Variants in DMC1 observed in about 807,000 individuals in gnomAD.
DMC1 encodes the protein DNA meiotic recombinase 1.
Under a neutral mutation model 50.1 loss-of-function variants are expected in DMC1, and 27 were observed. The observed-to-expected ratio is 0.54, with a 90% CI of 0.40 to 0.74. DMC1 has a LOEUF of 0.74. DMC1 is among the 30% of genes least tolerant of loss of function. The pLI is 0.00. For missense variants in DMC1, 295 were observed against 420.2 expected (o/e 0.70, Z 2.60); for synonymous variants, 148 against 136.1 (o/e 1.09, Z -0.61).
At chr22:38,512,277 C>G in the DMC1 span, among the ~76,000 whole-genome samples, 2 of 151,962 alleles carry the variant, frequency 1.3e-5, no homozygotes, top group African/African-American at 4.8e-5. Flanking sequence ...ACCCAGACTG[C>G]CTTTTATCTT....
chr22:38,536,389 G>T (rs2090213318), intron 12 of DMC1, among the ~76,000 whole-genome samples: 1 of 152,058 alleles, frequency 6.6e-6, no homozygotes, highest in Non-Finnish European at 1.5e-5. Context: ...TGTTACGGTG[G>T]CAACAAACCT....
At chr22:38,538,160 A>C (rs964327472) in intron 11 of DMC1, 135 bp downstream of exon 11, 32 of 745,838 alleles carry the variant, frequency 4.3e-5, no homozygotes, top group African/African-American at 1.4e-4. Context: ...CAAAAAAAAA[A>C]CAAAGAGTTG....
intron 12 of DMC1, among the ~76,000 whole-genome samples, chr22:38,524,348 A>C (rs2090063364): frequency 6.6e-6 from 1 of 152,184 alleles, no homozygotes; most frequent in Non-Finnish European, 1.5e-5. Context: ...CAGGAGGCAG[A>C]GGTTGCAGTG....
chr22:38,516,646 A>G (rs558733672), downstream of DMC1, among the ~76,000 whole-genome samples: 22 of 152,220 alleles, frequency 1.4e-4, no homozygotes, highest in East Asian at 4.3e-3. Context: ...AAAGTTTATT[A>G]TACTCAGGTC....
chr22:38,515,572 G>A (rs2089971531), downstream of DMC1, among the ~76,000 whole-genome samples: 1 of 152,042 alleles, frequency 6.6e-6, no homozygotes, highest in Admixed American at 6.6e-5. Flanking sequence ...GCTGAGGTGG[G>A]TGGATCACCT....
intron 8 of DMC1, among the ~76,000 whole-genome samples, chr22:38,543,373 G>A (rs896635254): frequency 8.6e-5 from 13 of 152,040 alleles, no homozygotes; most frequent in Non-Finnish European, 1.5e-4. Flanking sequence ...GCGACTACAG[G>A]TGCCCGCCAC....
chr22:38,564,510 A>G (rs1382704547), intron 4 of DMC1, among the ~76,000 whole-genome samples: 1 of 151,914 alleles, frequency 6.6e-6, no homozygotes, highest in Non-Finnish European at 1.5e-5. Context: ...GGGTTTCACT[A>G]TGTTGGCCAC....
rs757107730 is a variant in DMC1, at chr22:38,521,590, A to ACACCACACACAC, written c.953+17_953+18insGTGTGTGTGGTG. 9.1e-6 allele frequency: 13 copies of ACACCACACACAC among 1,426,364 alleles called. No homozygotes were observed. The highest frequency in any genetic ancestry group is 1.2e-5 in the Non-Finnish European group (12 of 1,025,908). 88.4% of individuals were successfully genotyped at this position (1,426,364 alleles called of 1,614,324 possible). A position where few individuals can be genotyped will look rare whatever the true frequency, so the allele number is the denominator to read the frequency against. ...ACACACACACACACACACACACACAAAATAAAAAAAAATTTACCTGTCATA... is the reference window on the plus strand; with the variant it reads ...ACACACACACACACACACACACACAACACCACACACACAATAAAAAAAAATTTACCTGTCATA... On this transcript the variant is annotated intron_variant, in intron 13 of 13. Coordinates refer to ENST00000216024, the MANE Select transcript of DMC1 (RefSeq NM_007068.4).
In DMC1 at chr22:38,539,315, T is replaced by A; in HGVS notation, c.586+6A>T. The A allele has an allele frequency of 6.2e-7, 1 of 1,609,514 alleles. No individual in the cohort carries two copies. Among genetic ancestry groups the A allele is most frequent in the Non-Finnish European group, 8.5e-7 (1 of 1,175,828 alleles). On this transcript the variant is annotated splice_donor_region_variant and intron_variant, in intron 9 of 13. Transcript: ENST00000216024. ...ACCCAAGCATCCAACTGCATGGGGC[T>A]CTTACTAGTATATGCACGTGCATAA...
chr22:38,540,978 T>G (rs1199946860), intron 8 of DMC1, among the ~76,000 whole-genome samples: 2 of 151,946 alleles, frequency 1.3e-5, no homozygotes, highest in Non-Finnish European at 2.9e-5. Flanking sequence ...CCACCAAGAG[T>G]TTTGCCCAGG....
chr22:38,558,481 G>A (rs957189996), intron 5 of DMC1, among the ~76,000 whole-genome samples: 5 of 151,932 alleles, frequency 3.3e-5, no homozygotes, highest in Admixed American at 6.6e-5. Flanking sequence ...TTGGGAGGCC[G>A]AGGCAAGTGG....
chr22:38,553,730 G>A (rs1040930848), intron 6 of DMC1, among the ~76,000 whole-genome samples: 13 of 151,576 alleles, frequency 8.6e-5, no homozygotes, highest in East Asian at 5.8e-4. Flanking sequence ...AGGCCGAGGC[G>A]GGCAGGCTGC....
Position 38,519,784 on chromosome 22 carries a change from A to G in DMC1, c.*236T>C. 1 of 474,526 alleles carries G rather than the reference A, an allele frequency of 2.1e-6. No individual in the cohort carries two copies. Among genetic ancestry groups the G allele is most frequent in the African/African-American group, 2.0e-5 (1 of 50,552 alleles). The allele number at this position is 474,526 out of a possible 1,614,324, so 29.4% of individuals were successfully genotyped here. ...TCTACTATATATGTCAGGTATACAC[A>G]CACAAACACACACACACACAAACAT... On this transcript the variant is annotated 3_prime_UTR_variant, in exon 14 of 14. Coordinates refer to ENST00000216024, the MANE Select transcript of DMC1 (RefSeq NM_007068.4).
intron 12 of DMC1, among the ~76,000 whole-genome samples, chr22:38,523,249 A>C (rs2090049520): frequency 6.6e-6 from 1 of 152,210 alleles, no homozygotes; most frequent in Non-Finnish European, 1.5e-5. Context: ...CAGGCACCTG[A>C]CATGGTAGTA....
intron 8 of DMC1, among the ~76,000 whole-genome samples, chr22:38,543,173 GCA>G (rs953923388): frequency 6.6e-6 from 1 of 151,678 alleles, no homozygotes; most frequent in African/African-American, 2.4e-5. Flanking sequence ...TACCACACAA[GCA>G]CAGTCAACTG....
intron 6 of DMC1, among the ~76,000 whole-genome samples, chr22:38,553,518 A>G (rs1320746819): frequency 1.3e-5 from 2 of 148,454 alleles, no homozygotes; most frequent in Admixed American, 6.7e-5. Flanking sequence ...AAAAAAAAAG[A>G]AAGTTTAAGA....
chr22:38,549,041 A>T (rs1365657287), intron 8 of DMC1, among the ~76,000 whole-genome samples: 3 of 152,020 alleles, frequency 2.0e-5, no homozygotes, highest in Non-Finnish European at 4.4e-5. Flanking sequence ...AATTTTCCTA[A>T]TACTTCTTTT....
the DMC1 span, among the ~76,000 whole-genome samples, chr22:38,512,501 T>C: frequency 6.6e-6 from 1 of 152,226 alleles, no homozygotes; most frequent in African/African-American, 2.4e-5. Context: ...GTATTTTGTT[T>C]GGGACACTTA....
At position 38,558,151 on chromosome 22, in the gene DMC1, A is replaced by AGGGTGATCC. The variant is rs1281105129; in HGVS notation, c.327-2751_327-2743dup. On this transcript the variant is annotated intron_variant, in intron 5 of 13. Coordinates refer to ENST00000216024, the MANE Select transcript of DMC1 (RefSeq NM_007068.4). ...TAATTTTTGTATTTTTAGTAGAGAC[A>AGGGTGATCC]GGGTGATCCTGTCTTTAGTAGAGAC... 2.0e-5 allele frequency among the ~76,000 whole-genome samples: 3 copies of AGGGTGATCC among 150,906 alleles called. No homozygotes were observed. The East Asian group carries it at 5.9e-4, about 29-fold the overall frequency.
Sources: allele counts gnomAD v4.1 joint callset (sites outside exome capture counted in the v4.1 genomes callset), GRCh38; gene constraint gnomAD v4.1.1; transcripts MANE v1.5; gene names NCBI Gene and HGNC (gene_info 2026-07-23, HGNC 2026-07-21).